RIT2: variants seen among roughly 807,000 people sequenced by gnomAD.
RIT2 encodes the protein Ras like without CAAX 2, also known as GTP-binding protein Rit2.
In RIT2, 24 loss-of-function variants were observed where a neutral mutation model predicts 23.7. That is an observed-to-expected ratio of 1.01 (90% confidence interval 0.73 to 1.43). The LOEUF (loss-of-function observed/expected upper bound fraction) is 1.43, where lower values mean the gene tolerates loss of function less well. Among genes scored for constraint, RIT2 ranks in the 40% most tolerant of loss-of-function variants. RIT2 has a pLI of 0.00. For synonymous variants in RIT2, 107 were observed against 91.1 expected, an observed-to-expected ratio of 1.17 and a Z score of -0.99; for missense variants, 236 against 266.9, an observed-to-expected ratio of 0.88 and a Z score of 0.81.
At chr18:43,087,407 T>A (rs1913311320) in intron 1 of RIT2, among the ~76,000 whole-genome samples, 1 of 152,172 alleles carries the variant, frequency 6.6e-6, no homozygotes, top group Admixed American at 6.6e-5. Flanking sequence ...GACATTAATA[T>A]AACTAATCTT....
chr18:42,852,895 G>A (rs942462523), intron 4 of RIT2, among the ~76,000 whole-genome samples: 1 of 150,378 alleles, frequency 6.6e-6, no homozygotes, highest in Non-Finnish European at 1.5e-5. Context: ...ATGCAGTGGT[G>A]CAATCTTGGC....
chr18:42,766,866 C>T (rs1011664477), intron 4 of RIT2, among the ~76,000 whole-genome samples: 1 of 152,220 alleles, frequency 6.6e-6, no homozygotes, highest in Non-Finnish European at 1.5e-5. Context: ...AGATTTTGGC[C>T]TGTGGCTTCA....
chr18:42,890,772 A>T (rs1163082783), intron 4 of RIT2, among the ~76,000 whole-genome samples: 1 of 152,144 alleles, frequency 6.6e-6, no homozygotes, highest in African/African-American at 2.4e-5. Context: ...TCTAAAAAAA[A>T]ATTATAAACA....
intron 4 of RIT2, among the ~76,000 whole-genome samples, chr18:42,913,994 A>G (rs1256355719): frequency 6.6e-6 from 1 of 152,108 alleles, no homozygotes; most frequent in African/African-American, 2.4e-5. Context: ...AAAAAGGCAA[A>G]TAAGAAAAGA....
chr18:42,938,366 C>A (rs1387495116), intron 3 of RIT2, among the ~76,000 whole-genome samples: 1 of 152,102 alleles, frequency 6.6e-6, no homozygotes, highest in African/African-American at 2.4e-5. Context: ...AAATTTTGAT[C>A]TTGGATGAAG....
intron 4 of RIT2, among the ~76,000 whole-genome samples, chr18:42,808,695 C>A (rs971938814): frequency 6.6e-6 from 1 of 151,906 alleles, no homozygotes; most frequent in Non-Finnish European, 1.5e-5. Context: ...TTTAAACTAC[C>A]TTTGCCCTAT....
chr18:43,091,304 A>G (rs928743743), intron 1 of RIT2, among the ~76,000 whole-genome samples: 35 of 152,086 alleles, frequency 2.3e-4, no homozygotes, highest in African/African-American at 7.5e-4. Context: ...ACTTGTAGAG[A>G]TTAGACAACA....
In RIT2 at chr18:43,066,748, A is replaced by G. The variant is rs144194462; in HGVS notation, c.104-32881T>C. 2.6e-5 allele frequency among the ~76,000 whole-genome samples: 4 copies of G among 152,222 alleles called. No individual in the cohort carries two copies. The East Asian group carries it at 7.7e-4, about 29-fold the overall frequency. ...GAGAAGACTGGTTAGGCTAAGCATT[A>G]AGCAATGCATACAAACTGTATTTGA... On this transcript the variant is annotated intron_variant, in intron 1 of 4. Transcript: ENST00000326695.
intron 4 of RIT2, among the ~76,000 whole-genome samples, chr18:42,852,703 T>C (rs970044317): frequency 2.0e-5 from 3 of 152,186 alleles, no homozygotes; most frequent in East Asian, 1.9e-4. Context: ...TACATGTCCA[T>C]AAAATTAAGT....
chr18:42,803,321 G>T (rs948706130), intron 4 of RIT2, among the ~76,000 whole-genome samples: 2 of 152,102 alleles, frequency 1.3e-5, no homozygotes, highest in African/African-American at 4.8e-5. Context: ...ATACTAAAAT[G>T]AATTAACAAT....
intron 4 of RIT2, among the ~76,000 whole-genome samples, chr18:42,899,898 C>T (rs1368991762): frequency 1.3e-5 from 2 of 152,004 alleles, no homozygotes; most frequent in Non-Finnish European, 2.9e-5. Context: ...TTAAAATCTT[C>T]ATAAAAGTAC....
intron 3 of RIT2, among the ~76,000 whole-genome samples, chr18:42,933,679 C>T (rs1396754078): frequency 6.6e-6 from 1 of 152,074 alleles, no homozygotes; most frequent in Non-Finnish European, 1.5e-5. Context: ...CCACCATGAT[C>T]GAAAACTTTG....
chr18:42,935,687 C>G (rs776037329), intron 3 of RIT2, among the ~76,000 whole-genome samples: 1 of 151,954 alleles, frequency 6.6e-6, no homozygotes. Flanking sequence ...AGGTTCTTGG[C>G]GTGTGGAACA....
At chr18:42,910,765 T>C (rs1263995669) in intron 4 of RIT2, among the ~76,000 whole-genome samples, 2 of 152,078 alleles carry the variant, frequency 1.3e-5, no homozygotes, top group Admixed American at 1.3e-4. Context: ...GCCAAGAATA[T>C]AGCAATCCTA....
At chr18:42,784,496 G>A (rs1913881625) in intron 4 of RIT2, among the ~76,000 whole-genome samples, 1 of 152,006 alleles carries the variant, frequency 6.6e-6, no homozygotes, top group South Asian at 2.1e-4. Context: ...GGTATTGAAT[G>A]AGAAGATTTT....
chr18:43,058,041 A>T (rs1256211612), intron 1 of RIT2, among the ~76,000 whole-genome samples: 1 of 152,088 alleles, frequency 6.6e-6, no homozygotes, highest in African/African-American at 2.4e-5. Context: ...CATCTGGTAA[A>T]TGTATTATCT....
At chr18:43,015,193 T>A (rs376820750) in intron 2 of RIT2, among the ~76,000 whole-genome samples, 105 of 151,756 alleles carry the variant, frequency 6.9e-4, no homozygotes, top group African/African-American at 2.3e-3. Context: ...GCTATAGCAG[T>A]CATGAGAGTG....
At chr18:42,862,405 T>G (rs962646765) in intron 4 of RIT2, among the ~76,000 whole-genome samples, 1 of 152,188 alleles carries the variant, frequency 6.6e-6, no homozygotes, top group African/African-American at 2.4e-5. Flanking sequence ...TTACTCACTC[T>G]CGGGTAGTTC....
intron 3 of RIT2, among the ~76,000 whole-genome samples, chr18:42,952,075 A>C (rs947300501): frequency 2.0e-5 from 3 of 152,106 alleles, no homozygotes; most frequent in African/African-American, 7.2e-5. Context: ...ACCCACCCCC[A>C]TGATTCAATT....
Sources: gnomAD v4.1 joint callset for allele counts (sites outside exome capture counted in the v4.1 genomes callset) on GRCh38, gnomAD v4.1.1 for gene constraint, MANE v1.5 for transcripts, NCBI Gene and HGNC (gene_info 2026-07-23, HGNC 2026-07-21) for gene names.